Variants in ERBB4 observed in about 807,000 individuals in gnomAD.
ERBB4 encodes receptor tyrosine-protein kinase erbB-4.
Under a neutral mutation model 158.0 loss-of-function variants are expected in ERBB4, and 42 were observed. That is an observed-to-expected ratio of 0.27 (90% CI 0.21 to 0.34). ERBB4 has a LOEUF of 0.34. Among genes scored for constraint, ERBB4 ranks in the 10% least tolerant of loss-of-function variants. The pLI, the probability that ERBB4 is intolerant of heterozygous loss-of-function variation, is 1.00. For missense variants in ERBB4, 1,333 were observed against 1,624.1 expected (o/e 0.82, Z 3.08); for synonymous variants, 583 against 558.7 (o/e 1.04, Z -0.61).
chr2:211,939,832 A>G (rs1329870451), intron 3 of ERBB4, among the ~76,000 whole-genome samples: 1 of 151,930 alleles, frequency 6.6e-6, no homozygotes, highest in East Asian at 1.9e-4. Flanking sequence ...CTGTAGTCCC[A>G]GCTACTTGGG....
chr2:211,924,480 A>C (rs1242368404), intron 3 of ERBB4, among the ~76,000 whole-genome samples: 1 of 152,178 alleles, frequency 6.6e-6, no homozygotes, highest in Non-Finnish European at 1.5e-5. Flanking sequence ...AAATAAAAAA[A>C]AATAAAAGCA....
intron 2 of ERBB4, among the ~76,000 whole-genome samples, chr2:212,103,655 T>C (rs1274691703): frequency 6.6e-6 from 1 of 151,734 alleles, no homozygotes; most frequent in Non-Finnish European, 1.5e-5. Flanking sequence ...GCATAGGGAA[T>C]GGAGGGATTC....
Position 212,143,219 on chromosome 2 carries a change from G to C in ERBB4, c.83-18316C>G, listed in dbSNP as rs1286833186. ...ATAATTTAACTGTTTTGTCAATTCA[G>C]ATTTCAAAGATCATGCTTGCTTAAA... is the stretch of plus-strand genomic sequence containing the variant. On this transcript the variant is annotated intron_variant, in intron 1 of 27. Coordinates refer to ENST00000342788, the MANE Select transcript of ERBB4 (RefSeq NM_005235.3). Among the ~76,000 whole-genome samples, 2 of 152,060 alleles carry C rather than the reference G, an allele frequency of 1.3e-5. 1 individual carries two copies. Among genetic ancestry groups the C allele is most frequent in the South Asian group, 4.1e-4 (2 of 4,832 alleles).
At chr2:211,393,740 CGTGTGTGTGTGTGTGT>C (rs58472959) in intron 25 of ERBB4, among the ~76,000 whole-genome samples, 149 of 146,354 alleles carry the variant, frequency 1.0e-3, no homozygotes, top group African/African-American at 3.3e-3. Flanking sequence ...GAGTTAATAG[CGTGTGTGTGTGTGTGT>C]GTGTGTGTGT....
At chr2:211,666,211 A>C (rs1238700393) in intron 14 of ERBB4, among the ~76,000 whole-genome samples, 2 of 152,150 alleles carry the variant, frequency 1.3e-5, no homozygotes, top group Non-Finnish European at 2.9e-5. Context: ...GATTTTAGTA[A>C]ATCACAGAAC....
At chr2:211,780,696 TTC>T (rs1481983500) in intron 4 of ERBB4, among the ~76,000 whole-genome samples, 1 of 152,242 alleles carries the variant, frequency 6.6e-6, no homozygotes, top group Non-Finnish European at 1.5e-5. Context: ...ACATTTTAGA[TTC>T]TGTTAGTTCT....
intron 1 of ERBB4, among the ~76,000 whole-genome samples, chr2:212,190,461 C>T (rs906961266): frequency 6.6e-6 from 1 of 150,610 alleles, no homozygotes; most frequent in South Asian, 2.1e-4. Context: ...GGCGTGAACC[C>T]GGGAGGTGGG....
chr2:212,532,574 C>T (rs1015010354), intron 1 of ERBB4, among the ~76,000 whole-genome samples: 8 of 152,326 alleles, frequency 5.3e-5, no homozygotes, highest in African/African-American at 1.9e-4. Context: ...ATAGCTTAGG[C>T]ATGACTTTTA....
chr2:211,650,910 T>C (rs1423520554), intron 16 of ERBB4, among the ~76,000 whole-genome samples: 2 of 152,188 alleles, frequency 1.3e-5, no homozygotes, highest in African/African-American at 2.4e-5. Flanking sequence ...AGAATCTCAA[T>C]TTGCTTTAAC....
intron 3 of ERBB4, among the ~76,000 whole-genome samples, chr2:211,921,364 A>C (rs1390987522): frequency 6.6e-6 from 1 of 152,086 alleles, no homozygotes; most frequent in Non-Finnish European, 1.5e-5. Flanking sequence ...TCTGAAGAGT[A>C]TAAGCTGAAT....
chr2:212,142,423 C>T (rs566213556), intron 1 of ERBB4, among the ~76,000 whole-genome samples: 28 of 151,470 alleles, frequency 1.8e-4, no homozygotes, highest in Admixed American at 1.5e-3. Flanking sequence ...GGCTAGAATT[C>T]CTCATTCATT....
At chr2:212,084,663 C>T (rs1229957182) in intron 2 of ERBB4, among the ~76,000 whole-genome samples, 1 of 151,918 alleles carries the variant, frequency 6.6e-6, no homozygotes, top group East Asian at 1.9e-4. Context: ...TTGGCTCTGT[C>T]ACTTACACAA....
At chr2:211,411,876 A>G (rs550934757) in intron 25 of ERBB4, among the ~76,000 whole-genome samples, 1 of 152,316 alleles carries the variant, frequency 6.6e-6, no homozygotes, top group South Asian at 2.1e-4. Context: ...AATAAATGAT[A>G]AAGCATGGAA....
At chr2:211,663,441 T>C (rs1489341604) in intron 15 of ERBB4, among the ~76,000 whole-genome samples, 2 of 152,298 alleles carry the variant, frequency 1.3e-5, no homozygotes, top group South Asian at 2.1e-4. Flanking sequence ...AAGGTGTCTT[T>C]TTTCTGTTCA....
Position 212,458,272 on chromosome 2 carries a change from A to AT in ERBB4, c.82+80176dup, listed in dbSNP as rs552854736. On this transcript the variant is annotated intron_variant, in intron 1 of 27. Transcript: ENST00000342788. ...CAAAGGCAGCCAAGGGGAAAATTCC[A>AT]TTTTTTTTTAGGGGGTAGGGAATCA... 1.5e-4 allele frequency among the ~76,000 whole-genome samples: 22 copies of AT among 150,740 alleles called. No homozygotes were observed. In the East Asian group the frequency reaches 2.1e-3, roughly 15 times the overall value.
At chr2:211,780,088 G>T (rs147092593) in intron 4 of ERBB4, among the ~76,000 whole-genome samples, 1 of 152,184 alleles carries the variant, frequency 6.6e-6, no homozygotes, top group East Asian at 1.9e-4. Flanking sequence ...AAGGCTGGGC[G>T]CAGTGGCTCA....
At chr2:211,713,036 T>A (rs990668268) in intron 8 of ERBB4, among the ~76,000 whole-genome samples, 37 of 152,210 alleles carry the variant, frequency 2.4e-4, no homozygotes, top group African/African-American at 8.7e-4. Context: ...GCATGAATTA[T>A]CTGATATATT....
intron 20 of ERBB4, among the ~76,000 whole-genome samples, chr2:211,526,206 G>T (rs1212010395): frequency 1.3e-5 from 2 of 152,050 alleles, no homozygotes. Context: ...ACCTACAGGG[G>T]TGCTTGTGTC....
intron 20 of ERBB4, among the ~76,000 whole-genome samples, chr2:211,544,271 G>A (rs2066886000): frequency 6.6e-6 from 1 of 152,092 alleles, no homozygotes; most frequent in East Asian, 1.9e-4. Context: ...CAAAATTATG[G>A]TATAAAATTT....
Sources: allele counts gnomAD v4.1 joint callset (sites outside exome capture counted in the v4.1 genomes callset), GRCh38; gene constraint gnomAD v4.1.1; transcripts MANE v1.5; gene names NCBI Gene and HGNC (gene_info 2026-07-23, HGNC 2026-07-21).